The following USP15 variants were observed in gnomAD, a reference collection of about 807,000 sequenced individuals.
USP15 encodes the protein ubiquitin specific peptidase 15, also known as ubiquitin carboxyl-terminal hydrolase 15.
Under a neutral mutation model 127.1 loss-of-function variants are expected in USP15, and 18 were observed. That is an observed-to-expected ratio of 0.14 (90% CI 0.10 to 0.21). The LOEUF is 0.21. Among genes scored for constraint, USP15 ranks in the 10% least tolerant of loss-of-function variants. The pLI is 1.00. For synonymous variants in USP15, 364 were observed against 393.7 expected (o/e 0.92, Z 0.89); for missense variants, 805 against 1,159.9 (o/e 0.69, Z 4.44).
chr12:62,327,273 G>T (rs1469793438), intron 6 of USP15, among the ~76,000 whole-genome samples: 1 of 151,718 alleles, frequency 6.6e-6, no homozygotes, highest in African/African-American at 2.4e-5. Context: ...TTAATTACAT[G>T]GAGGTGATTT....
At chr12:62,272,021 C>A (rs2063355520) in intron 1 of USP15, among the ~76,000 whole-genome samples, 1 of 150,466 alleles carries the variant, frequency 6.6e-6, no homozygotes. Flanking sequence ...TTACTGAAAC[C>A]ATGAAATTCT....
intron 1 of USP15, among the ~76,000 whole-genome samples, chr12:62,271,692 A>C (rs541244906): frequency 1.1e-4 from 17 of 151,698 alleles, no homozygotes; most frequent in Admixed American, 8.5e-4. Context: ...TATGCTTATC[A>C]CGCTTATATG....
chr12:62,334,129 T>G (rs912038267), intron 6 of USP15: 1 of 152,158 alleles, frequency 6.6e-6, no homozygotes, highest in East Asian at 1.9e-4. Context: ...ATACCATCCT[T>G]TTGTAGTGGC....
Position 62,407,511 on chromosome 12 carries a change from C to G in USP15, c.*3136C>G, listed in dbSNP as rs559219775. ...CTAAAAGTATATTTAGCTCAGTATT[C>G]GAGCATTGAATAAGAAAGTACCCAC... On this transcript the variant is annotated 3_prime_UTR_variant, in exon 22 of 22. Coordinates refer to ENST00000280377, the MANE Select transcript of USP15 (RefSeq NM_001252078.2). The G allele has an allele frequency of 2.0e-5, 3 of 152,282 alleles. No homozygotes were observed. The highest frequency in any genetic ancestry group is 2.1e-4 in the South Asian group (1 of 4,822). 9.4% of individuals were successfully genotyped at this position (152,282 alleles called of 1,614,324 possible).
At chr12:62,298,814 G>A (rs1438925971) in intron 2 of USP15, among the ~76,000 whole-genome samples, 2 of 119,366 alleles carry the variant, frequency 1.7e-5, no homozygotes, top group Non-Finnish European at 3.3e-5. Flanking sequence ...GGGTGACAGA[G>A]TAAGACCCTG....
chr12:62,306,754 C>A (rs1453514558), intron 3 of USP15, among the ~76,000 whole-genome samples: 1 of 152,026 alleles, frequency 6.6e-6, no homozygotes, highest in Non-Finnish European at 1.5e-5. Context: ...TAATACTAAG[C>A]AGTGTTTCTG....
intron 5 of USP15, among the ~76,000 whole-genome samples, chr12:62,323,201 A>C (rs2065035207): frequency 6.6e-6 from 1 of 152,128 alleles, no homozygotes; most frequent in South Asian, 2.1e-4. Flanking sequence ...TGTATCGTTC[A>C]TTATATGCTT....
chr12:62,382,520 A>T (rs966820686), intron 9 of USP15, among the ~76,000 whole-genome samples: 3 of 151,994 alleles, frequency 2.0e-5, no homozygotes, highest in Admixed American at 6.6e-5. Flanking sequence ...AACTTTGGAC[A>T]AACTAGTCCA....
At chr12:62,323,112 C>T (rs1189935310) in intron 5 of USP15, among the ~76,000 whole-genome samples, 1 of 152,144 alleles carries the variant, frequency 6.6e-6, no homozygotes, top group East Asian at 1.9e-4. Flanking sequence ...TCTCAATGTC[C>T]ATTGAGGTAT....
Position 62,404,409 on chromosome 12 carries a change from C to A in USP15, c.*34C>A. 6.5e-7 allele frequency: 1 copy of A among 1,526,762 alleles called. No individual in the cohort carries two copies. Among genetic ancestry groups the A allele is most frequent in the East Asian group, 2.4e-5 (1 of 42,212 alleles). 94.6% of individuals were successfully genotyped at this position (1,526,762 alleles called of 1,614,324 possible). A position where few individuals can be genotyped will look rare whatever the true frequency, so the allele number is the denominator to read the frequency against. ...CTAGAAGCCATAAAAGAGACACTTT[C>A]CTGCTGGTGGTATCTATGGAAATGA... is the stretch of plus-strand genomic sequence containing the variant. On this transcript the variant is annotated 3_prime_UTR_variant, in exon 22 of 22. Transcript: ENST00000280377.
At position 62,414,964 on chromosome 12, in the gene USP15, C is replaced by A. The variant is rs1280803735; in HGVS notation, c.*10589C>A. 2 of 110,844 alleles carry A rather than the reference C, an allele frequency of 1.8e-5. No homozygotes were observed. The highest frequency in any genetic ancestry group is 3.8e-5 in the Non-Finnish European group (2 of 52,138). The allele number at this position is 110,844 out of a possible 1,614,324, so 6.9% of individuals were successfully genotyped here. A position where few individuals can be genotyped will look rare whatever the true frequency, so the allele number is the denominator to read the frequency against. On this transcript the variant is annotated 3_prime_UTR_variant, in exon 22 of 22. Transcript: ENST00000280377. ...TATAGCTCTCTCCCTCATATATACA[C>A]ATATCATGTATATACATATATATCA... is the stretch of plus-strand genomic sequence containing the variant.
chr12:62,392,705 AT>A (rs2067362063), intron 18 of USP15, among the ~76,000 whole-genome samples: 1 of 152,054 alleles, frequency 6.6e-6, no homozygotes, highest in Non-Finnish European at 1.5e-5. Context: ...GTAGTGATAT[AT>A]TTTGTGGTGT....
At chr12:62,400,071 G>A (rs535902311) in intron 20 of USP15, among the ~76,000 whole-genome samples, 14 of 152,172 alleles carry the variant, frequency 9.2e-5, no homozygotes, top group African/African-American at 1.2e-4. Flanking sequence ...TTTAGAAGCC[G>A]TACCCTACAA....
chr12:62,409,158 A>ATAC lies in USP15; in HGVS notation c.*4784_*4786dup, dbSNP rs2067973723. 2 of 152,304 alleles carry ATAC rather than the reference A, an allele frequency of 1.3e-5. No homozygotes were observed. Among genetic ancestry groups the ATAC allele is most frequent in the South Asian group, 4.1e-4 (2 of 4,828 alleles). The allele number at this position is 152,304 out of a possible 1,614,324, so 9.4% of individuals were successfully genotyped here. ...TTGGAAAATATATGCATCGGGAAAC[A>ATAC]TACCCCACACGGTGCCATGGTTTAA... On this transcript the variant is annotated 3_prime_UTR_variant, in exon 22 of 22. Coordinates refer to ENST00000280377, the MANE Select transcript of USP15 (RefSeq NM_001252078.2).
chr12:62,296,978 T>A (rs2064149803), intron 2 of USP15, among the ~76,000 whole-genome samples: 1 of 152,126 alleles, frequency 6.6e-6, no homozygotes, highest in South Asian at 2.1e-4. Context: ...TGGGGGCAGT[T>A]AACAAAGGAA....
intron 6 of USP15, among the ~76,000 whole-genome samples, chr12:62,332,266 C>G (rs1305914209): frequency 1.3e-5 from 2 of 151,394 alleles, no homozygotes; most frequent in East Asian, 3.9e-4. Context: ...ATTTTTAACA[C>G]TACTTGTTTT....
chr12:62,377,433 G>T (rs1436604851), intron 8 of USP15, among the ~76,000 whole-genome samples: 1 of 152,108 alleles, frequency 6.6e-6, no homozygotes, highest in Non-Finnish European at 1.5e-5. Flanking sequence ...TAAGAAACTG[G>T]CTTCAGCCAG....
At chr12:62,391,630 CA>C (rs2137620860) in intron 16 of USP15, among the ~76,000 whole-genome samples, 185 bp from the exon 17 acceptor site, 1 of 152,106 alleles carries the variant, frequency 6.6e-6, no homozygotes, top group Admixed American at 6.5e-5. Context: ...ACTCATGCTT[CA>C]GTTTTCTATC....
rs148670410 is a variant in USP15, at chr12:62,289,400, C to G, written c.90-4779C>G. On this transcript the variant is annotated intron_variant, in intron 1 of 21. Coordinates refer to ENST00000280377, the MANE Select transcript of USP15 (RefSeq NM_001252078.2). ...TTTCTAGTTTGTGCATGTAGTGATG[C>G]TCATAGTAGTCTCTGATGACCTTTT... is the stretch of plus-strand genomic sequence containing the variant. Among the ~76,000 whole-genome samples, 171 of 152,164 alleles carry G rather than the reference C, an allele frequency of 1.1e-3. 1 individual carries two copies. The highest frequency in any genetic ancestry group is 3.9e-3 in the African/African-American group (163 of 41,524).
Sources: allele counts gnomAD v4.1 joint callset (sites outside exome capture counted in the v4.1 genomes callset), GRCh38; gene constraint gnomAD v4.1.1; transcripts MANE v1.5; gene names NCBI Gene and HGNC (gene_info 2026-07-23, HGNC 2026-07-21).